NFIX: variants seen among roughly 807,000 people sequenced by gnomAD.
The protein encoded by NFIX is nuclear factor I X.
NFIX carries 2 observed loss-of-function variants against 53.3 expected under a neutral mutation model. The observed-to-expected ratio is 0.04, with a 90% CI of 0.02 to 0.12. The LOEUF is 0.12. Ranked by LOEUF, NFIX falls within the 10% of genes least tolerant of loss-of-function variation. NFIX has a pLI of 1.00. For missense variants in NFIX, 310 were observed against 674.5 expected (o/e 0.46, Z 5.99); for synonymous variants, 244 against 289.0 (o/e 0.84, Z 1.58).
chr19:13,096,701 G>C lies in NFIX; in HGVS notation c.*2052G>C, dbSNP rs1355940812. 1 of 152,436 alleles carries C rather than the reference G, an allele frequency of 6.6e-6. No homozygotes were observed. Among genetic ancestry groups the C allele is most frequent in the African/African-American group, 2.4e-5 (1 of 41,402 alleles). 9.4% of individuals were successfully genotyped at this position (152,436 alleles called of 1,614,324 possible). On this transcript the variant is annotated 3_prime_UTR_variant, in exon 11 of 11. Transcript: ENST00000592199. ...CAGAGCTGAGAGCGAAGCAGAAGGGGCTCCCTGTCCGGCCCACGTGCCCTT... is the reference window on the plus strand; with the variant it reads ...CAGAGCTGAGAGCGAAGCAGAAGGGCCTCCCTGTCCGGCCCACGTGCCCTT...
chr19:13,063,445 C>T (rs1050931650), intron 2 of NFIX, among the ~76,000 whole-genome samples: 5 of 152,070 alleles, frequency 3.3e-5, no homozygotes, highest in African/African-American at 4.8e-5. Context: ...CACACAAAGC[C>T]ACTCTTGAGT....
intron 7 of NFIX, among the ~76,000 whole-genome samples, chr19:13,079,713 G>T (rs1415800526): frequency 3.3e-5 from 5 of 152,236 alleles, no homozygotes; most frequent in Admixed American, 6.5e-5. Flanking sequence ...CAGCAGGAGG[G>T]CGCAGGCCTG....
chr19:13,017,064 G>A (rs1599725074), intron 1 of NFIX, among the ~76,000 whole-genome samples: 1 of 152,276 alleles, frequency 6.6e-6, no homozygotes, highest in Non-Finnish European at 1.5e-5. Context: ...TAGGACGTTG[G>A]GTCTGTCGCC....
rs569430912 is a variant in NFIX at position 13,002,283 on chromosome 19, C to G, written c.27+6419C>G. ...CCTCTCTCTCTCCTCCTGCCAAACG[C>G]GTCTTGGCTCCGTCTGAATATCTCT... On this transcript the variant is annotated intron_variant, in intron 1 of 10. Transcript: ENST00000592199. The surrounding 1 kb of genome is among the most constrained non-coding windows in gnomAD (Gnocchi z 6.1). Among the ~76,000 whole-genome samples, 2 of 151,956 alleles carry G rather than the reference C, an allele frequency of 1.3e-5. No homozygotes were observed. The highest frequency in any genetic ancestry group is 2.9e-5 in the Non-Finnish European group (2 of 67,962).
intron 2 of NFIX, among the ~76,000 whole-genome samples, chr19:13,041,788 C>T (rs1450460201): frequency 4.4e-5 from 6 of 137,808 alleles, no homozygotes; most frequent in East Asian, 2.0e-4. Context: ...AGCCAGACTC[C>T]GTCTCAAAAA....
At position 13,005,622 on chromosome 19, in the gene NFIX, G is replaced by A. The variant is rs117122405; in HGVS notation, c.27+9758G>A. On this transcript the variant is annotated intron_variant, in intron 1 of 10. Coordinates refer to ENST00000592199, the MANE Select transcript of NFIX (RefSeq NM_001365902.3). The surrounding 1 kb of genome is among the most constrained non-coding windows in gnomAD (Gnocchi z 4.7). The stretch of plus-strand genomic sequence containing the variant: ...AACCAAGACTCAGTAGAGGTATCCA[G>A]TGCTAGGGTCAAGGGCGGGGAGCTC... Among the ~76,000 whole-genome samples the A allele has an allele frequency of 0.033, 4,994 of 152,280 alleles. 87 individuals carry two copies. The highest frequency in any genetic ancestry group is 0.085 in the Middle Eastern group (25 of 294).
chr19:13,084,915 C>G (rs1799431239), intron 8 of NFIX, among the ~76,000 whole-genome samples: 1 of 151,734 alleles, frequency 6.6e-6, no homozygotes, highest in Non-Finnish European at 1.5e-5. Context: ...ACTAAAAATA[C>G]AAAAATTAGC....
chr19:13,047,983 C>G (rs938370294), intron 2 of NFIX, among the ~76,000 whole-genome samples: 2 of 152,240 alleles, frequency 1.3e-5, no homozygotes, highest in African/African-American at 4.8e-5. Flanking sequence ...TGTGTTTTCA[C>G]CTGTAATCAG....
chr19:12,997,641 A>C (rs759599055), intron 1 of NFIX, among the ~76,000 whole-genome samples: 1 of 152,154 alleles, frequency 6.6e-6, no homozygotes, highest in Non-Finnish European at 1.5e-5. Flanking sequence ...AGTGGAACCA[A>C]GACCCCACGC....
chr19:13,007,764 T>C (rs1443305010), intron 1 of NFIX, among the ~76,000 whole-genome samples: 7 of 148,142 alleles, frequency 4.7e-5, no homozygotes, highest in Non-Finnish European at 1.0e-4. Flanking sequence ...GTTTGCTAAG[T>C]AACTTCAAAT....
rs946218100 is a variant in NFIX, at chr19:13,013,098, C to T, written c.28-11923C>T. ...AACCTTTAAAAACCCAAAACCTCCC[C>T]TCCAAGTCCCTTTCGATCTACGCCA... On this transcript the variant is annotated intron_variant, in intron 1 of 10. Transcript: ENST00000592199. This position sits in a 1 kb window ranked among gnomAD's most constrained non-coding sequence, Gnocchi z 5.9. Among the ~76,000 whole-genome samples the T allele has an allele frequency of 3.9e-5, 6 of 152,102 alleles. No individual in the cohort carries two copies. The highest frequency in any genetic ancestry group is 1.3e-4 in the Admixed American group (2 of 15,270).
chr19:13,092,853 G>A (rs1714883783), intron 10 of NFIX, among the ~76,000 whole-genome samples: 1 of 152,242 alleles, frequency 6.6e-6, no homozygotes, highest in Non-Finnish European at 1.5e-5. Context: ...TTCCGCCTTA[G>A]CCTCGCCAGG....
chr19:13,095,567 A>G lies in NFIX; in HGVS notation c.*918A>G, dbSNP rs904606683. On this transcript the variant is annotated 3_prime_UTR_variant, in exon 11 of 11. Coordinates refer to ENST00000592199, the MANE Select transcript of NFIX (RefSeq NM_001365902.3). ...AGGTCGCCCCCGCCCCCAGCCCTGC[A>G]TGCAGGTGCCCTCGCTCCGCCCCAT... The G allele has an allele frequency of 1.5e-4, 22 of 151,434 alleles. No homozygotes were observed. Among genetic ancestry groups the G allele is most frequent in the African/African-American group, 5.4e-4 (22 of 41,082 alleles). 9.4% of individuals were successfully genotyped at this position (151,434 alleles called of 1,614,324 possible). A position where few individuals can be genotyped will look rare whatever the true frequency, so the allele number is the denominator to read the frequency against.
chr19:13,024,751 G>T, intron 1 of NFIX: 1 of 1,524,912 alleles, frequency 6.6e-7, no homozygotes, highest in South Asian at 1.2e-5. Flanking sequence ...AGAGAGAATA[G>T]GTGTGTGTAG....
chr19:13,014,872 AG>A lies in NFIX; in HGVS notation c.28-10144del, dbSNP rs2012568736. Among the ~76,000 whole-genome samples the A allele has an allele frequency of 6.6e-6, 1 of 151,754 alleles. No individual in the cohort carries two copies. Among genetic ancestry groups the A allele is most frequent in the East Asian group, 1.9e-4 (1 of 5,190 alleles). On this transcript the variant is annotated intron_variant, in intron 1 of 10. Coordinates refer to ENST00000592199, the MANE Select transcript of NFIX (RefSeq NM_001365902.3). This position sits in a 1 kb window ranked among gnomAD's most constrained non-coding sequence, Gnocchi z 4.4. ...AGAGGTTCGGCTCTGGGCTGGTGGT[AG>A]GGGGCTGGTGGTAGGCGAGGTGGCT...
intron 1 of NFIX, among the ~76,000 whole-genome samples, chr19:13,008,690 C>T (rs755637281): frequency 6.6e-5 from 10 of 152,202 alleles, no homozygotes; most frequent in Non-Finnish European, 1.0e-4. Context: ...GTACGCATCC[C>T]TCACTGAAGC....
At chr19:13,079,622 G>A (rs971364709) in intron 7 of NFIX, among the ~76,000 whole-genome samples, 7 of 152,162 alleles carry the variant, frequency 4.6e-5, no homozygotes, top group African/African-American at 1.7e-4. Context: ...CCTCCTGGCT[G>A]GGAGCCCAGA....
rs79239346 is a variant in NFIX, at chr19:13,081,994, C to T, written c.1254+139C>T. Reference sequence around the variant, plus strand: ...GCAGCAGGGAGCTGGTAGTACCAAACGCCTCGATTTTCTGGGTCTGGGGAC... The same window carrying T: ...GCAGCAGGGAGCTGGTAGTACCAAATGCCTCGATTTTCTGGGTCTGGGGAC... On this transcript the variant is annotated intron_variant, in intron 8 of 10. Coordinates refer to ENST00000592199, the MANE Select transcript of NFIX (RefSeq NM_001365902.3). This position sits in a 1 kb window ranked among gnomAD's most constrained non-coding sequence, Gnocchi z 4.7. The T allele has an allele frequency of 0.011, 10,847 of 949,532 alleles. 114 individuals carry two copies. The highest frequency in any genetic ancestry group is 0.033 in the African/African-American group (1,990 of 60,664). 58.8% of individuals were successfully genotyped at this position (949,532 alleles called of 1,614,324 possible).
chr19:13,054,469 C>A (rs751243270), intron 2 of NFIX, among the ~76,000 whole-genome samples: 2 of 152,036 alleles, frequency 1.3e-5, no homozygotes, highest in African/African-American at 4.8e-5. Context: ...GCTTGGTGGG[C>A]GGCTGAGGAG....
Sources: gnomAD v4.1 joint callset for allele counts (sites outside exome capture counted in the v4.1 genomes callset) on GRCh38, gnomAD v4.1.1 for gene constraint, Gnocchi (gnomAD v3.1) non-coding constraint, MANE v1.5 for transcripts, NCBI Gene and HGNC (gene_info 2026-07-23, HGNC 2026-07-21) for gene names.